Variants in MYO5A observed in about 807,000 individuals in gnomAD.
The protein encoded by MYO5A is unconventional myosin-Va.
In MYO5A, 98 loss-of-function variants were observed where a neutral mutation model predicts 249.7. The ratio of observed to expected loss-of-function variants is 0.39; its 90% CI spans 0.33 to 0.46. The LOEUF (loss-of-function observed/expected upper bound fraction) is 0.46. MYO5A is among the 20% of genes least tolerant of loss of function. The pLI is 0.98. For missense variants in MYO5A, 1,696 were observed against 2,308.8 expected, an observed-to-expected ratio of 0.73 and a Z score of 5.44; for synonymous variants, 778 against 810.6, an observed-to-expected ratio of 0.96 and a Z score of 0.68.
intron 22 of MYO5A, among the ~76,000 whole-genome samples, chr15:52,369,853 C>A: frequency 7.3e-6 from 1 of 137,532 alleles, no homozygotes. Flanking sequence ...TAAAAGGAGT[C>A]TATGCCCCAG....
chr15:52,492,234 T>A (rs753030858), intron 1 of MYO5A, among the ~76,000 whole-genome samples: 2 of 152,190 alleles, frequency 1.3e-5, no homozygotes, highest in Non-Finnish European at 2.9e-5. Flanking sequence ...AGACTCAGCA[T>A]ATAACTGTAC....
chr15:52,429,701 A>AAACAAAAAC (rs1344580837), intron 2 of MYO5A, among the ~76,000 whole-genome samples: 3 of 19,620 alleles, frequency 1.5e-4, no homozygotes, highest in Non-Finnish European at 3.8e-4. Flanking sequence ...AAAAAAACAA[A>AAACAAAAAC]AAAACAAAAC....
At chr15:52,321,792 TA>T (rs71875115) in intron 37 of MYO5A, among the ~76,000 whole-genome samples, 29,748 of 92,958 alleles carry the variant, frequency 0.32, 3,343 homozygotes, top group East Asian at 0.61. Context: ...GGAACTTAAC[TA>T]AAAAAAAAAA....
intron 14 of MYO5A, among the ~76,000 whole-genome samples, chr15:52,387,250 C>A (rs114786458): frequency 7.2e-5 from 11 of 152,296 alleles, no homozygotes; most frequent in African/African-American, 2.6e-4. Flanking sequence ...CTGGAATATT[C>A]TTTTCCCTCT....
At chr15:52,507,809 A>C (rs2077305846) in intron 1 of MYO5A, among the ~76,000 whole-genome samples, 1 of 151,620 alleles carries the variant, frequency 6.6e-6, no homozygotes. Flanking sequence ...GTCCCCAAAA[A>C]AAAAAAAAAA....
intron 5 of MYO5A, among the ~76,000 whole-genome samples, chr15:52,413,566 G>A (rs918732598): frequency 7.2e-5 from 11 of 152,082 alleles, no homozygotes; most frequent in African/African-American, 2.2e-4. Context: ...TGGAGACGCC[G>A]ATATGCCTTT....
chr15:52,415,320 AT>A (rs1376672199), intron 5 of MYO5A, among the ~76,000 whole-genome samples: 1 of 152,224 alleles, frequency 6.6e-6, no homozygotes, highest in African/African-American at 2.4e-5. Flanking sequence ...ATTTTTCTCC[AT>A]TTAATAAGTC....
At chr15:52,383,310 A>G in intron 15 of MYO5A, 122 bp from the exon 16 acceptor site, 1 of 804,196 alleles carries the variant, frequency 1.2e-6, no homozygotes, top group Non-Finnish European at 2.1e-6. Flanking sequence ...TATAAACTTG[A>G]CCCATCTTCA....
At chr15:52,485,222 A>G (rs1247501292) in intron 1 of MYO5A, among the ~76,000 whole-genome samples, 3 of 151,806 alleles carry the variant, frequency 2.0e-5, no homozygotes, top group Non-Finnish European at 4.4e-5. Flanking sequence ...AAATGACAGA[A>G]CACAAATCTT....
intron 35 of MYO5A, among the ~76,000 whole-genome samples, chr15:52,328,308 C>A (rs1412077803): frequency 6.6e-6 from 1 of 152,170 alleles, no homozygotes; most frequent in Non-Finnish European, 1.5e-5. Context: ...TCTCCCAAAC[C>A]AAATTCTTGC....
In MYO5A at chr15:52,351,247, C is replaced by T. The variant is rs371130081; in HGVS notation, c.3849+7G>A. The T allele has an allele frequency of 4.7e-4, 757 of 1,612,590 alleles. No individual in the cohort carries two copies. Among genetic ancestry groups the T allele is most frequent in the Non-Finnish European group, 6.2e-4 (726 of 1,178,906 alleles). ...AACACCCAGTTTAATTGTGTGCTTG[C>T]GCTTACCTTGGGTTGGATGGCCTCT... On this transcript the variant is annotated splice_region_variant and intron_variant, in intron 28 of 41. Coordinates refer to ENST00000399233, the MANE Select transcript of MYO5A (RefSeq NM_001382347.1).
intron 12 of MYO5A, 81 bp from the exon 13 acceptor site, chr15:52,389,444 TTA>T (rs1335373300): frequency 1.4e-5 from 20 of 1,381,812 alleles, no homozygotes; most frequent in Middle Eastern, 2.1e-4. Context: ...AAAAGATCTT[TTA>T]TTTTTTTTTT....
intron 1 of MYO5A, among the ~76,000 whole-genome samples, chr15:52,500,529 G>A (rs2077133760): frequency 6.6e-6 from 1 of 151,862 alleles, no homozygotes; most frequent in African/African-American, 2.4e-5. Context: ...TGTATTTTTA[G>A]TAGAAACGGG....
chr15:52,371,635 C>T (rs2041121282), intron 21 of MYO5A, among the ~76,000 whole-genome samples: 1 of 152,036 alleles, frequency 6.6e-6, no homozygotes, highest in Non-Finnish European at 1.5e-5. Context: ...TGCTTGTAAT[C>T]CCAGTACTTT....
At chr15:52,318,917 G>A (rs1400793331) in intron 39 of MYO5A, 143 bp downstream of exon 39, 75 of 1,040,242 alleles carry the variant, frequency 7.2e-5, no homozygotes, top group Admixed American at 1.0e-4. Context: ...AAGTGGCTCC[G>A]TGCCAGTTTC....
intron 1 of MYO5A, among the ~76,000 whole-genome samples, chr15:52,435,831 A>T (rs2075651135): frequency 6.6e-6 from 1 of 152,204 alleles, no homozygotes; most frequent in Non-Finnish European, 1.5e-5. Context: ...CATAAATACC[A>T]ATTTACTGTC....
At position 52,396,743 on chromosome 15, in the gene MYO5A, C is replaced by T. The variant is rs570464165; in HGVS notation, c.1320-346G>A. Among the ~76,000 whole-genome samples the T allele has an allele frequency of 7.9e-5, 12 of 152,038 alleles. No individual in the cohort carries two copies. The South Asian group carries it at 1.0e-3, about 13-fold the overall frequency. On this transcript the variant is annotated intron_variant, in intron 10 of 41. Transcript: ENST00000399233. ...TTGCTCTTGTCAATATACTGACTCACGGTGTTACACACATATAGGAGGGAA... is the reference window on the plus strand; with the variant it reads ...TTGCTCTTGTCAATATACTGACTCATGGTGTTACACACATATAGGAGGGAA...
Position 52,370,420 on chromosome 15 carries a change from T to G in MYO5A, c.2818-3A>C, listed in dbSNP as rs2041043001. 6.2e-7 allele frequency: 1 copy of G among 1,608,332 alleles called. No individual in the cohort carries two copies. Among genetic ancestry groups the G allele is most frequent in the Admixed American group, 1.7e-5 (1 of 59,988 alleles). On this transcript the variant is annotated splice_region_variant and splice_polypyrimidine_tract_variant and intron_variant, in intron 21 of 41. Transcript: ENST00000399233. Reference sequence around the variant, plus strand: ...ACAAGGCATTTGTAGTCTTTGTTCTTTAAACATACACATAAGTAACAATAA... The same window carrying G: ...ACAAGGCATTTGTAGTCTTTGTTCTGTAAACATACACATAAGTAACAATAA...
At chr15:52,326,994 A>ATTAT (rs2038641231) in intron 36 of MYO5A, among the ~76,000 whole-genome samples, 1 of 152,090 alleles carries the variant, frequency 6.6e-6, no homozygotes, top group African/African-American at 2.4e-5. Flanking sequence ...CAGTTATATA[A>ATTAT]CTTGGCTGTC....
Sources: gnomAD v4.1 joint callset for allele counts (sites outside exome capture counted in the v4.1 genomes callset) on GRCh38, gnomAD v4.1.1 for gene constraint, MANE v1.5 for transcripts, NCBI Gene and HGNC (gene_info 2026-07-23, HGNC 2026-07-21) for gene names.